Variants in RAPSN observed in about 807,000 individuals in gnomAD.
The protein encoded by RAPSN is receptor associated protein of the synapse.
RAPSN carries 33 observed loss-of-function variants against 45.7 expected under a neutral mutation model. The observed-to-expected ratio is 0.72, with a 90% CI of 0.55 to 0.97. The LOEUF is 0.97. RAPSN is among the 50% of genes least tolerant of loss of function. The probability of loss-of-function intolerance (pLI) is 0.00; values close to 1 mark genes in which losing one functional copy is unlikely to be tolerated. For missense variants in RAPSN, 519 were observed against 559.4 expected (o/e 0.93, Z 0.73); for synonymous variants, 244 against 233.6 (o/e 1.04, Z -0.40).
At chr11:47,448,445 C>T (rs2076428253) in intron 1 of RAPSN, among the ~76,000 whole-genome samples, 1 of 150,716 alleles carries the variant, frequency 6.6e-6, no homozygotes, top group African/African-American at 2.4e-5. Context: ...ACCCTGGAGC[C>T]CACACCCCGC....
chr11:47,441,584 G>C (rs752587581), intron 5 of RAPSN, 27 bp downstream of exon 5: 13 of 1,601,696 alleles, frequency 8.1e-6, no homozygotes, highest in Non-Finnish European at 5.1e-6. Context: ...GGGAGGGCTG[G>C]AGGCTGTGGG....
chr11:47,446,563 C>T (rs1446988578), intron 2 of RAPSN, among the ~76,000 whole-genome samples: 1 of 152,076 alleles, frequency 6.6e-6, no homozygotes, highest in African/African-American at 2.4e-5. Flanking sequence ...GCATTAAATC[C>T]CCCATGGACC....
intron 6 of RAPSN, 118 bp downstream of exon 6, chr11:47,441,041 A>G: frequency 1.5e-6 from 2 of 1,313,750 alleles, no homozygotes; most frequent in Admixed American, 1.7e-5. Flanking sequence ...GGCTGCAGGC[A>G]GCTCCCAGCA....
rs1343095358 is a variant in RAPSN, at chr11:47,448,806, G to C, written c.159C>G (p.His53Gln). 1 of 1,612,800 alleles carries C rather than the reference G, an allele frequency of 6.2e-7. No individual in the cohort carries two copies. The highest frequency in any genetic ancestry group is 1.3e-5 in the African/African-American group (1 of 74,930). The change falls in exon 1 of 8, where the codon CAC (histidine) becomes CAG (glutamine). Residue 53 changes from histidine to glutamine, a missense_variant. Physicochemically the swap from His to Gln is conservative, Grantham distance 24. Coordinates refer to ENST00000298854, the MANE Select transcript of RAPSN (RefSeq NM_005055.5). Reference protein sequence around the residue: ...FRVLGCLVTAHSEMGRYKEML... With the variant: ...FRVLGCLVTAQSEMGRYKEML... The stretch of plus-strand genomic sequence containing the variant: ...TCTCCTTGTAGCGGCCCATCTCCGA[G>C]TGGGCTGTGACCAGGCAGCCCAGCA...
At chr11:47,441,048 AG>A in intron 6 of RAPSN, 110 bp downstream of exon 6, 1 of 1,381,368 alleles carries the variant, frequency 7.2e-7, no homozygotes, top group Non-Finnish European at 1.0e-6. Flanking sequence ...GGCAGCTCCC[AG>A]CATCAGGAAG....
At position 47,448,076 on chromosome 11, in the gene RAPSN, CAG is replaced by C; in HGVS notation, c.265_266del (p.Leu89GlyfsTer68). On this transcript the variant is annotated frameshift_variant, in exon 2 of 8. Coordinates refer to ENST00000298854, the MANE Select transcript of RAPSN (RefSeq NM_005055.5). LOFTEE classifies it high-confidence loss of function. ...CGCACAGCTTCTCGTTGCTGCGTGC[CAG>C]GTTCAGGTAGCTCTCCAGGAGGAAG... ...ADFLLESYLN[L>X]ARSNEKLCEF... The C allele has an allele frequency of 6.2e-7, 1 of 1,614,006 alleles. No homozygotes were observed. Among genetic ancestry groups the C allele is most frequent in the South Asian group, 1.1e-5 (1 of 91,084 alleles).
rs778745007 is a variant in RAPSN at position 47,442,748 on chromosome 11, A to G, written c.598T>C (p.Trp200Arg). The change falls in exon 3 of 8, where the codon TGG becomes CGG. Residue 200 changes from tryptophan to arginine, a missense_variant. By Grantham distance (101) the Trp-to-Arg change is moderately radical. Coordinates refer to ENST00000298854, the MANE Select transcript of RAPSN (RefSeq NM_005055.5). The part of the protein sequence containing the change: ...AELVNNYGKG[W>R]SLKYRAMSQY... ...CTCATGGCCCGGTACTTCAGGCTCCAGCCTTTGCCATAGTTGTTGACAAGC... is the reference window on the plus strand; with the variant it reads ...CTCATGGCCCGGTACTTCAGGCTCCGGCCTTTGCCATAGTTGTTGACAAGC... The G allele has an allele frequency of 6.2e-7, 1 of 1,614,254 alleles. No homozygotes were observed. The highest frequency in any genetic ancestry group is 2.2e-5 in the East Asian group (1 of 44,892).
Position 47,447,872 on chromosome 11 carries a change from A to G in RAPSN, c.471T>C (p.Asp157=). 1 of 1,613,634 alleles carries G rather than the reference A, an allele frequency of 6.2e-7. No individual in the cohort carries two copies. Among genetic ancestry groups the G allele is most frequent in the South Asian group, 1.1e-5 (1 of 91,054 alleles). The change falls in exon 2 of 8, where the codon GAT becomes GAC. Residue 157 remains aspartate (D), a synonymous_variant. Transcript: ENST00000298854. The part of the protein sequence containing the change: ...EKALRYAHNN[D]DAMLECRVCC... The stretch of plus-strand genomic sequence containing the variant: ...ACACGCGGCACTCGAGCATGGCGTC[A>G]TCATTGTTGTGGGCATAGCGCAGGG...
chr11:47,439,231 G>A (rs1253294863), intron 6 of RAPSN, among the ~76,000 whole-genome samples: 1 of 152,114 alleles, frequency 6.6e-6, no homozygotes, highest in Admixed American at 6.6e-5. Flanking sequence ...CCCAGCACTT[G>A]GGGAGGCCGA....
chr11:47,448,900 G>A lies in RAPSN; in HGVS notation c.65C>T (p.Thr22Ile), dbSNP rs754557281. The change falls in exon 1 of 8, where the codon ACA (threonine) becomes ATA (isoleucine). Residue 22 changes from threonine (T) to isoleucine (I), a missense_variant. Thr to Ile is a moderately conservative substitution (Grantham distance 89, BLOSUM62 -1). Transcript: ENST00000298854. Reference sequence around the variant, plus strand: ...TGTCCACACCTGCAATGCCTTCTCTGTCTGGTTGGACTGGTACAGCTGGAG... The same window carrying A: ...TGTCCACACCTGCAATGCCTTCTCTATCTGGTTGGACTGGTACAGCTGGAG... ...KGLQLYQSNQ[T>I]EKALQVWTKV... 16 of 1,614,244 alleles carry A rather than the reference G, an allele frequency of 9.9e-6. No individual in the cohort carries two copies. Among genetic ancestry groups the A allele is most frequent in the South Asian group, 9.9e-5 (9 of 91,082 alleles).
At chr11:47,442,297 T>G (rs1392986950) in intron 3 of RAPSN, among the ~76,000 whole-genome samples, 1 of 152,112 alleles carries the variant, frequency 6.6e-6, no homozygotes, top group Non-Finnish European at 1.5e-5. Context: ...GGGAGTGGGT[T>G]TGGGATGAGG....
At chr11:47,445,196 C>T (rs1405816213) in intron 2 of RAPSN, among the ~76,000 whole-genome samples, 1 of 151,582 alleles carries the variant, frequency 6.6e-6, no homozygotes, top group Admixed American at 6.6e-5. Flanking sequence ...TGCCACTGCA[C>T]TCCAGCCTGG....
chr11:47,444,981 T>A (rs2076393648), intron 2 of RAPSN, among the ~76,000 whole-genome samples: 2 of 152,016 alleles, frequency 1.3e-5, no homozygotes, highest in African/African-American at 4.8e-5. Flanking sequence ...CCCAGCACTT[T>A]GGGAGGCCAA....
intron 7 of RAPSN, chr11:47,438,476 C>T: frequency 3.5e-6 from 2 of 577,424 alleles, no homozygotes; most frequent in South Asian, 4.6e-5. Flanking sequence ...GCTCCCACCA[C>T]CATGCCTGGG....
At chr11:47,448,672 G>T in intron 1 of RAPSN, 101 bp downstream of exon 1, 1 of 1,461,398 alleles carries the variant, frequency 6.8e-7, no homozygotes, top group Non-Finnish European at 9.4e-7. Flanking sequence ...CCAGCCTGTG[G>T]GACACAGGGG....
In RAPSN at chr11:47,438,885, C is replaced by T; in HGVS notation, c.1013G>A (p.Ser338Asn). Residue 338 changes from serine (S) to asparagine (N), a missense_variant, in exon 7 of 8, where the codon AGC (serine) becomes AAC (asparagine). Coordinates refer to ENST00000298854, the MANE Select transcript of RAPSN (RefSeq NM_005055.5). Reference protein sequence around the residue: ...LHCLSESIYRSKGLQRELRAH... With the variant: ...LHCLSESIYRNKGLQRELRAH... ...CCGCAGTTCCCGCTGCAGCCCTTTG[C>T]TGCGGTAAATGCTCTCGCTCAGACA... The T allele has an allele frequency of 1.9e-6, 3 of 1,565,420 alleles. No homozygotes were observed. Among genetic ancestry groups the T allele is most frequent in the Admixed American group, 1.9e-5 (1 of 52,408 alleles).
At position 47,443,955 on chromosome 11, in the gene RAPSN, AAAAAG is replaced by A. The variant is rs1230756646; in HGVS notation, c.532-1146_532-1142del. On this transcript the variant is annotated intron_variant, in intron 2 of 7. Coordinates refer to ENST00000298854, the MANE Select transcript of RAPSN (RefSeq NM_005055.5). ...ACAAAAAAAAAAAAAAAAAAAAAAA[AAAAAG>A]AAAAGAAAAGAAAAGAAGGAAAGAA... Among the ~76,000 whole-genome samples the A allele has an allele frequency of 4.9e-3, 718 of 147,328 alleles. 6 individuals are homozygous for A. Among genetic ancestry groups the A allele is most frequent in the Non-Finnish European group, 6.9e-3 (456 of 66,368 alleles).
intron 1 of RAPSN, 124 bp downstream of exon 1, chr11:47,448,649 C>T (rs570641103): frequency 1.1e-5 from 14 of 1,256,332 alleles, no homozygotes; most frequent in South Asian, 6.5e-5. Flanking sequence ...TTCAGAGCCT[C>T]GGGCCCTGGC....
chr11:47,442,480 A>G (rs1046143004), intron 3 of RAPSN, among the ~76,000 whole-genome samples, 176 bp downstream of exon 3: 15 of 152,246 alleles, frequency 9.9e-5, no homozygotes, highest in African/African-American at 3.6e-4. Context: ...CCCCGTCTCT[A>G]CAAAAATAAA....
Sources: gnomAD v4.1 joint callset for allele counts (sites outside exome capture counted in the v4.1 genomes callset) on GRCh38, gnomAD v4.1.1 for gene constraint, MANE v1.5 for transcripts, NCBI Gene and HGNC (gene_info 2026-07-23, HGNC 2026-07-21) for gene names.